DNAH9: variants seen among roughly 807,000 people sequenced by gnomAD.
The protein encoded by DNAH9 is dynein axonemal heavy chain 9, also known as DNAH9 variant protein.
DNAH9 carries 345 observed loss-of-function variants against 471.6 expected under a neutral mutation model. The observed-to-expected ratio is 0.73, with a 90% CI of 0.67 to 0.80. The LOEUF (loss-of-function observed/expected upper bound fraction) is 0.80. DNAH9 is among the 30% of genes least tolerant of loss of function. The pLI is 0.00. For missense variants in DNAH9, 5,407 were observed against 5,609.2 expected (o/e 0.96, Z 1.15); for synonymous variants, 2,093 against 2,123.6 (o/e 0.99, Z 0.40).
chr17:11,903,682 G>A (rs1359998882), intron 60 of DNAH9, among the ~76,000 whole-genome samples: 4 of 152,028 alleles, frequency 2.6e-5, no homozygotes, highest in East Asian at 1.9e-4. Context: ...AGGCTGAGGC[G>A]GCGGATCGCT....
chr17:11,857,409 A>G (rs1234331427), intron 50 of DNAH9, among the ~76,000 whole-genome samples: 5 of 152,144 alleles, frequency 3.3e-5, no homozygotes, highest in Non-Finnish European at 7.4e-5. Context: ...TGCTAATAAC[A>G]CAGGAGATGG....
chr17:11,610,105 A>T (rs2072602269), intron 2 of DNAH9, among the ~76,000 whole-genome samples: 1 of 152,236 alleles, frequency 6.6e-6, no homozygotes, highest in South Asian at 2.1e-4. Context: ...ACGTACTGGC[A>T]TTCAAAGTTC....
rs754037953 is a variant in DNAH9, at chr17:11,689,772, A to G, written c.3950A>G (p.His1317Arg). The G allele has an allele frequency of 3.7e-6, 6 of 1,614,224 alleles. No individual in the cohort carries two copies. Among genetic ancestry groups the G allele is most frequent in the South Asian group, 1.1e-5 (1 of 91,084 alleles). Reference sequence around the variant, plus strand: ...ATTGGAATGGTGACCTCCAGCATCCATGCCTGGGAGACCACACCCTGGAGG... The same window carrying G: ...ATTGGAATGGTGACCTCCAGCATCCGTGCCTGGGAGACCACACCCTGGAGG... The part of the protein sequence containing the change: ...DTIGMVTSSI[H>R]AWETTPWRNI... The change falls in exon 20 of 69, where the codon CAT becomes CGT. Residue 1317 changes from histidine (H) to arginine (R), a missense_variant. By Grantham distance (29) the His-to-Arg change is conservative. This residue lies in a region of DNAH9 where 4,636 missense variants were observed against 4,900.3 expected (regional missense o/e 0.95). Coordinates refer to ENST00000262442, the MANE Select transcript of DNAH9 (RefSeq NM_001372.4).
chr17:11,806,349 T>C (rs1969682145), intron 43 of DNAH9, among the ~76,000 whole-genome samples: 1 of 152,164 alleles, frequency 6.6e-6, no homozygotes, highest in Non-Finnish European at 1.5e-5. Context: ...ATCAGAGATA[T>C]AAACTTAAAA....
intron 35 of DNAH9, among the ~76,000 whole-genome samples, chr17:11,760,421 A>G (rs1967614379): frequency 1.3e-5 from 2 of 152,140 alleles, no homozygotes; most frequent in South Asian, 4.1e-4. Flanking sequence ...AGCTTTGAAT[A>G]TTCTGACTGT....
intron 20 of DNAH9, among the ~76,000 whole-genome samples, chr17:11,692,999 G>A (rs60234947): frequency 0.013 from 2,006 of 149,632 alleles, 42 homozygotes; most frequent in African/African-American, 0.047. Context: ...TCCGCCTCCC[G>A]GTTTCGAGCG....
At chr17:11,866,575 G>A (rs1972063732) in intron 50 of DNAH9, among the ~76,000 whole-genome samples, 1 of 152,212 alleles carries the variant, frequency 6.6e-6, no homozygotes, top group African/African-American at 2.4e-5. Flanking sequence ...ATTTAAGTCT[G>A]CAGAGGTTAC....
chr17:11,889,882 G>A (rs1972997256), intron 57 of DNAH9, among the ~76,000 whole-genome samples: 1 of 152,224 alleles, frequency 6.6e-6, no homozygotes, highest in African/African-American at 2.4e-5. Flanking sequence ...CCCATGGGCA[G>A]GAGAAGGGAC....
chr17:11,914,495 C>T (rs2151021958), intron 61 of DNAH9, among the ~76,000 whole-genome samples: 1 of 152,054 alleles, frequency 6.6e-6, no homozygotes, highest in East Asian at 1.9e-4. Context: ...TTTCAATTCT[C>T]CATCCTTACT....
chr17:11,757,587 C>T lies in DNAH9; in HGVS notation c.6890C>T (p.Pro2297Leu), dbSNP rs371151025. The T allele has an allele frequency of 1.9e-6, 3 of 1,613,874 alleles. No homozygotes were observed. The highest frequency in any genetic ancestry group is 1.7e-5 in the Admixed American group (1 of 60,004). Reference sequence around the variant, plus strand: ...CCGGCAGACTTGGGATGGAACCCTCCAGTGAGCAGCTGGATTGAGAAGAGG... The same window carrying T: ...CCGGCAGACTTGGGATGGAACCCTCTAGTGAGCAGCTGGATTGAGAAGAGG... ...INPADLGWNP[P>L]VSSWIEKREI... The change falls in exon 35 of 69, where the codon CCA becomes CTA. Residue 2297 changes from proline to leucine, a missense_variant. Transcript: ENST00000262442.
At chr17:11,717,325 G>T (rs891787090) in intron 26 of DNAH9, among the ~76,000 whole-genome samples, 24 of 151,944 alleles carry the variant, frequency 1.6e-4, no homozygotes, top group African/African-American at 4.6e-4. Context: ...TTGAGCCCTG[G>T]AGTTCGAAAC....
intron 27 of DNAH9, 114 bp downstream of exon 27, chr17:11,719,604 G>A (rs1028173728): frequency 2.0e-6 from 2 of 1,023,928 alleles, no homozygotes; most frequent in East Asian, 4.9e-5. Context: ...AGGTCTCGGA[G>A]CCCAGATCAG....
intron 5 of DNAH9, among the ~76,000 whole-genome samples, chr17:11,618,233 T>A (rs2072784590): frequency 6.6e-6 from 1 of 152,190 alleles, no homozygotes; most frequent in East Asian, 1.9e-4. Flanking sequence ...ATGCTCCTCC[T>A]TCTTAGGGAC....
At chr17:11,909,578 T>C (rs890975405) in intron 61 of DNAH9, among the ~76,000 whole-genome samples, 1 of 152,154 alleles carries the variant, frequency 6.6e-6, no homozygotes, top group Non-Finnish European at 1.5e-5. Context: ...TTTGCACATA[T>C]GGTGCATCCC....
chr17:11,749,086 G>GTT (rs1357238487), intron 32 of DNAH9, among the ~76,000 whole-genome samples: 2 of 20,528 alleles, frequency 9.7e-5, no homozygotes, highest in African/African-American at 2.9e-4. Flanking sequence ...TTTTTTTTTT[G>GTT]TTTTTTTTTT....
chr17:11,702,990 C>T (rs1054805096), intron 24 of DNAH9, among the ~76,000 whole-genome samples: 2 of 150,940 alleles, frequency 1.3e-5, no homozygotes, highest in African/African-American at 2.4e-5. Context: ...CTACTCAGGA[C>T]GCTGAGGCAG....
chr17:11,943,960 A>AGTAG (rs1975030903), intron 67 of DNAH9, among the ~76,000 whole-genome samples: 1 of 152,190 alleles, frequency 6.6e-6, no homozygotes, highest in African/African-American at 2.4e-5. Flanking sequence ...AACTATCTTG[A>AGTAG]GTAGGTTTGC....
intron 43 of DNAH9, among the ~76,000 whole-genome samples, chr17:11,798,824 G>T (rs1969349748): frequency 6.6e-6 from 1 of 151,878 alleles, no homozygotes; most frequent in Admixed American, 6.6e-5. Context: ...CATTCTATGT[G>T]CCCCAGGGCC....
rs751750531 is a variant in DNAH9 at position 11,854,382 on chromosome 17, T to A, written c.9887T>A (p.Leu3296His). 1.3e-5 allele frequency: 21 copies of A among 1,613,854 alleles called. No homozygotes were observed. The highest frequency in any genetic ancestry group is 1.7e-6 in the Non-Finnish European group (2 of 1,179,974). Reference sequence around the variant, plus strand: ...GCACTGAACAAAGCCACCGCGGACCTCACAGCTGCCCAGGAGAAGCTGGCT... The same window carrying A: ...GCACTGAACAAAGCCACCGCGGACCACACAGCTGCCCAGGAGAAGCTGGCT... ...RQALNKATADLTAAQEKLAAI... is the reference protein window; with the variant it reads ...RQALNKATADHTAAQEKLAAI... The change falls in exon 50 of 69, where the codon CTC becomes CAC. Residue 3296 changes from leucine (L) to histidine (H), a missense_variant. Coordinates refer to ENST00000262442, the MANE Select transcript of DNAH9 (RefSeq NM_001372.4).
Sources: gnomAD v4.1 joint callset for allele counts (sites outside exome capture counted in the v4.1 genomes callset) on GRCh38, gnomAD v4.1.1 for gene constraint, gnomAD v4.1.1 regional missense constraint, MANE v1.5 for transcripts, NCBI Gene and HGNC (gene_info 2026-07-23, HGNC 2026-07-21) for gene names.